SNX29: variants seen among roughly 807,000 people sequenced by gnomAD.
SNX29 encodes the protein sorting nexin-29.
A neutral mutation model predicts 102.1 loss-of-function variants in SNX29; 78 were observed. The observed-to-expected ratio is 0.76, with a 90% CI of 0.64 to 0.92. SNX29 has a LOEUF of 0.92. Among genes scored for constraint, SNX29 ranks in the 40% least tolerant of loss-of-function variants. The pLI, the probability that SNX29 is intolerant of heterozygous loss-of-function variation, is 0.00. For synonymous variants in SNX29, 580 were observed against 414.5 expected (o/e 1.40, Z -4.85); for missense variants, 1,280 against 1,061.7 (o/e 1.21, Z -2.86).
intron 14 of SNX29, among the ~76,000 whole-genome samples, chr16:12,203,273 G>T (rs2076960239): frequency 6.6e-6 from 1 of 150,902 alleles, no homozygotes; most frequent in African/African-American, 2.4e-5. Flanking sequence ...AAGTTGCGTA[G>T]TGTGGCCCCA....
At chr16:12,533,158 C>G (rs748686221) in intron 20 of SNX29, among the ~76,000 whole-genome samples, 2 of 152,246 alleles carry the variant, frequency 1.3e-5, no homozygotes, top group East Asian at 1.9e-4. Flanking sequence ...CAGGCAGGGC[C>G]TCTCTCTGAA....
chr16:12,523,652 G>A (rs1360817502), intron 19 of SNX29, among the ~76,000 whole-genome samples: 1 of 152,102 alleles, frequency 6.6e-6, no homozygotes, highest in African/African-American at 2.4e-5. Context: ...GACCCTCTGT[G>A]ACAGCTTGGG....
intron 15 of SNX29, among the ~76,000 whole-genome samples, chr16:12,334,921 T>TTTTTTTTTA (rs56233203): frequency 2.6e-4 from 39 of 149,204 alleles, no homozygotes; most frequent in Non-Finnish European, 4.4e-4. Context: ...TTTTTTTTTT[T>TTTTTTTTTA]AAAAAGCAAC....
At position 12,210,325 on chromosome 16, in the gene SNX29, C is replaced by CTT. The variant is rs5815673; in HGVS notation, c.1678+10658_1678+10659dup. Among the ~76,000 whole-genome samples the CTT allele has an allele frequency of 8.3e-3, 1,176 of 141,764 alleles. 8 individuals carry two copies. The highest frequency in any genetic ancestry group is 0.014 in the Middle Eastern group (4 of 276). 93.0% of individuals were successfully genotyped at this position (141,764 alleles called of 152,430 possible). On this transcript the variant is annotated intron_variant, in intron 14 of 20. Transcript: ENST00000566228. Reference sequence around the variant, plus strand: ...TCAAGGGACTCAGACGTTCCCTCCACTTTTTTTTTTTTTTTTTAAAGACAC... The same window carrying CTT: ...TCAAGGGACTCAGACGTTCCCTCCACTTTTTTTTTTTTTTTTTTTAAAGACAC...
chr16:12,531,688 A>G (rs2076936480), intron 20 of SNX29, among the ~76,000 whole-genome samples: 1 of 152,278 alleles, frequency 6.6e-6, no homozygotes, highest in East Asian at 1.9e-4. Context: ...CTGGGTGCAG[A>G]GAGGTCAAGG....
intron 14 of SNX29, among the ~76,000 whole-genome samples, chr16:12,223,435 G>A (rs1020219978): frequency 6.6e-6 from 1 of 152,206 alleles, no homozygotes; most frequent in African/African-American, 2.4e-5. Flanking sequence ...GCTGAGGAGG[G>A]TGGATCACCT....
intron 11 of SNX29, chr16:12,089,910 AG>A: frequency 3.2e-6 from 1 of 309,484 alleles, no homozygotes; most frequent in Non-Finnish European, 6.3e-6. Flanking sequence ...GTCTCGGGGT[AG>A]GGAGTCCTGA....
intron 14 of SNX29, among the ~76,000 whole-genome samples, chr16:12,266,261 AAC>A (rs1567375515): frequency 6.6e-6 from 1 of 151,930 alleles, no homozygotes; most frequent in Admixed American, 6.6e-5. Context: ...CACCGCTCTC[AAC>A]ACACCATTTT....
intron 3 of SNX29, among the ~76,000 whole-genome samples, chr16:12,025,302 CAA>C (rs35724715): frequency 1.7e-4 from 10 of 60,594 alleles, no homozygotes; most frequent in Admixed American, 7.0e-4. Flanking sequence ...AACTCCATCT[CAA>C]AAAAAAAAAA....
chr16:12,565,944 T>TCC (rs2078986055), intron 20 of SNX29, among the ~76,000 whole-genome samples: 1 of 152,074 alleles, frequency 6.6e-6, no homozygotes, highest in African/African-American at 2.4e-5. Flanking sequence ...GTGTCTGCCC[T>TCC]CCCCATCCTC....
chr16:12,156,350 G>A (rs1022532519), intron 13 of SNX29, among the ~76,000 whole-genome samples: 16 of 152,134 alleles, frequency 1.1e-4, no homozygotes, highest in Admixed American at 1.0e-3. Flanking sequence ...ATTTTTGTAT[G>A]TTTGGTAGAG....
chr16:12,079,606 G>T (rs1161981097), intron 11 of SNX29, among the ~76,000 whole-genome samples: 1 of 152,168 alleles, frequency 6.6e-6, no homozygotes, highest in Admixed American at 6.5e-5. Flanking sequence ...CAGGAAGTGA[G>T]CAGACACTAT....
At chr16:12,082,762 CT>C (rs1353636431) in intron 11 of SNX29, among the ~76,000 whole-genome samples, 1 of 152,106 alleles carries the variant, frequency 6.6e-6, no homozygotes, top group Non-Finnish European at 1.5e-5. Flanking sequence ...TCTGCGGTGC[CT>C]GTACCTTTAG....
intron 14 of SNX29, among the ~76,000 whole-genome samples, chr16:12,207,242 G>A (rs923117652): frequency 3.9e-5 from 6 of 152,210 alleles, no homozygotes; most frequent in East Asian, 1.9e-4. Context: ...GGTGGCAGGC[G>A]CCTGTAATCC....
intron 15 of SNX29, among the ~76,000 whole-genome samples, chr16:12,332,750 C>G (rs1317655676): frequency 6.6e-6 from 1 of 152,170 alleles, no homozygotes; most frequent in East Asian, 1.9e-4. Context: ...TAGCACTTCC[C>G]CATTCCTGCC....
chr16:12,573,336 G>C lies in SNX29; in HGVS notation c.*4707G>C, dbSNP rs1242528960. The C allele has an allele frequency of 2.7e-5, 6 of 225,760 alleles. No homozygotes were observed. The highest frequency in any genetic ancestry group is 3.7e-4 in the South Asian group (2 of 5,472). The allele number at this position is 225,760 out of a possible 1,614,324, so 14.0% of individuals were successfully genotyped here. ...TTTGGGTACTCTGAATTATGTCATG[G>C]AGTAGACAGTTACTTCTAAATCCCA... On this transcript the variant is annotated 3_prime_UTR_variant, in exon 21 of 21. Coordinates refer to ENST00000566228, the MANE Select transcript of SNX29 (RefSeq NM_032167.5).
chr16:12,342,903 G>T (rs2081655024), intron 15 of SNX29, among the ~76,000 whole-genome samples: 1 of 152,216 alleles, frequency 6.6e-6, no homozygotes, highest in Admixed American at 6.5e-5. Flanking sequence ...ATGAATGGCT[G>T]CATACCCCTT....
intron 18 of SNX29, among the ~76,000 whole-genome samples, chr16:12,436,062 G>T (rs1267856171): frequency 6.6e-6 from 1 of 152,204 alleles, no homozygotes; most frequent in African/African-American, 2.4e-5. Context: ...GGTGTCAATG[G>T]CACTCAATTG....
chr16:12,335,519 T>TA (rs1459596374), intron 15 of SNX29, among the ~76,000 whole-genome samples: 5 of 151,806 alleles, frequency 3.3e-5, no homozygotes, highest in Admixed American at 2.0e-4. Context: ...TACAAAACAT[T>TA]AAAAAAATTA....
Sources: allele counts gnomAD v4.1 joint callset (sites outside exome capture counted in the v4.1 genomes callset), GRCh38; gene constraint gnomAD v4.1.1; transcripts MANE v1.5; gene names NCBI Gene and HGNC (gene_info 2026-07-23, HGNC 2026-07-21).